Variants in RAMP1 observed in about 807,000 individuals in gnomAD.
RAMP1 encodes receptor activity modifying protein 1.
A neutral mutation model predicts 8.2 loss-of-function variants in RAMP1; 7 were observed. The observed-to-expected ratio is 0.85, with a 90% CI of 0.49 to 1.60. The LOEUF (loss-of-function observed/expected upper bound fraction) is 1.60. Among genes scored for constraint, RAMP1 ranks in the 40% most tolerant of loss-of-function variants. RAMP1 has a pLI of 0.00. For synonymous variants in RAMP1, 92 were observed against 84.7 expected (o/e 1.09, Z -0.47); for missense variants, 192 against 202.4 (o/e 0.95, Z 0.31).
chr2:237,885,041 C>A (rs935571783), intron 2 of RAMP1, among the ~76,000 whole-genome samples: 2 of 152,250 alleles, frequency 1.3e-5, no homozygotes, highest in Non-Finnish European at 2.9e-5. Flanking sequence ...GTCCACACGA[C>A]GTTGGGCAGG....
Position 237,865,811 on chromosome 2 carries a change from G to T in RAMP1, c.52+6084G>T, listed in dbSNP as rs1026114051. 6.6e-6 allele frequency among the ~76,000 whole-genome samples: 1 copy of T among 152,126 alleles called. No homozygotes were observed. The highest frequency in any genetic ancestry group is 1.5e-5 in the Non-Finnish European group (1 of 68,026). On this transcript the variant is annotated intron_variant, in intron 1 of 2. Coordinates refer to ENST00000254661, the MANE Select transcript of RAMP1 (RefSeq NM_005855.4). This position sits in a 1 kb window ranked among gnomAD's most constrained non-coding sequence, Gnocchi z 4.2. Reference sequence around the variant, plus strand: ...GGCCAGGGAGGACAGAGAAGGAAACGGGCCCCAGGCACCACTGGGCACCTT... The same window carrying T: ...GGCCAGGGAGGACAGAGAAGGAAACTGGCCCCAGGCACCACTGGGCACCTT...
intron 2 of RAMP1, among the ~76,000 whole-genome samples, chr2:237,891,767 T>G (rs945556394): frequency 6.6e-6 from 1 of 152,202 alleles, no homozygotes; most frequent in African/African-American, 2.4e-5. Context: ...TTCAGCTCCT[T>G]TATGTGTTGC....
intron 2 of RAMP1, among the ~76,000 whole-genome samples, chr2:237,890,219 T>C (rs984345643): frequency 1.3e-5 from 2 of 152,026 alleles, no homozygotes; most frequent in African/African-American, 4.8e-5. Context: ...TTTTTTTTTT[T>C]GAGACAGAGT....
At chr2:237,889,353 TTAAC>T (rs1223624039) in intron 2 of RAMP1, among the ~76,000 whole-genome samples, 4 of 152,248 alleles carry the variant, frequency 2.6e-5, no homozygotes, top group Admixed American at 6.5e-5. Context: ...ATGTATCTTC[TTAAC>T]ACAGTGGATG....
intron 2 of RAMP1, among the ~76,000 whole-genome samples, chr2:237,892,098 T>C (rs986461280): frequency 6.6e-6 from 1 of 152,204 alleles, no homozygotes; most frequent in Non-Finnish European, 1.5e-5. Flanking sequence ...CCACAGCTTA[T>C]TGCTGGATTT....
chr2:237,906,152 C>T (rs566862660), intron 2 of RAMP1, among the ~76,000 whole-genome samples: 22 of 152,318 alleles, frequency 1.4e-4, no homozygotes, highest in African/African-American at 5.3e-4. Flanking sequence ...GTTTTTCCCC[C>T]ACGATGAGAC....
At chr2:237,869,839 G>A (rs114908306) in intron 1 of RAMP1, 7,747 of 152,336 alleles carry the variant, frequency 0.051, 261 homozygotes, top group Middle Eastern at 0.11. Context: ...CCGCCACAGC[G>A]TTTCCGCAGT....
intron 1 of RAMP1, among the ~76,000 whole-genome samples, chr2:237,873,631 C>G (rs1466034045): frequency 6.6e-6 from 1 of 152,164 alleles, no homozygotes; most frequent in Non-Finnish European, 1.5e-5. Context: ...GAGTGAGGAG[C>G]GCAGCCGTCT....
intron 1 of RAMP1, among the ~76,000 whole-genome samples, chr2:237,871,219 G>C (rs1409679450): frequency 9.9e-5 from 15 of 152,230 alleles, no homozygotes; most frequent in Admixed American, 9.8e-4. Context: ...AGAGAAAGGA[G>C]AGCACCTTGG....
intron 1 of RAMP1, among the ~76,000 whole-genome samples, chr2:237,861,628 G>A (rs1404654635): frequency 1.3e-5 from 2 of 151,938 alleles, no homozygotes; most frequent in Non-Finnish European, 2.9e-5. Context: ...TGGGTGAATC[G>A]CCTGAGGTGA....
chr2:237,878,209 C>A lies in RAMP1; in HGVS notation c.191+847C>A, dbSNP rs368498019. The A allele has an allele frequency of 4.1e-6, 4 of 976,328 alleles. No individual in the cohort carries two copies. The highest frequency in any genetic ancestry group is 4.9e-6 in the Non-Finnish European group (4 of 821,672). 60.5% of individuals were successfully genotyped at this position (976,328 alleles called of 1,614,324 possible). Reference sequence around the variant, plus strand: ...ATCTGTCTGTGGGTTCACAGCGCAGCGCAAGTCCTGGTGCCCCACCGATGA... The same window carrying A: ...ATCTGTCTGTGGGTTCACAGCGCAGAGCAAGTCCTGGTGCCCCACCGATGA... On this transcript the variant is annotated intron_variant, in intron 2 of 2. Transcript: ENST00000254661. This position sits in a 1 kb window ranked among gnomAD's most constrained non-coding sequence, Gnocchi z 5.7.
chr2:237,884,659 GCCACAGCCTTC>G (rs1021464022), intron 2 of RAMP1, among the ~76,000 whole-genome samples: 7 of 152,196 alleles, frequency 4.6e-5, no homozygotes, highest in African/African-American at 1.4e-4. Context: ...AGAGGATGGG[GCCACAGCCTTC>G]CCAGCATCTG....
intron 1 of RAMP1, among the ~76,000 whole-genome samples, chr2:237,870,780 G>A (rs1347544123): frequency 6.6e-6 from 1 of 152,208 alleles, no homozygotes; most frequent in Non-Finnish European, 1.5e-5. Context: ...GGTTGGAGGT[G>A]AGGCTGGAGG....
At chr2:237,874,630 A>G (rs1474348795) in intron 1 of RAMP1, 6 of 982,244 alleles carry the variant, frequency 6.1e-6, no homozygotes, top group South Asian at 4.7e-5. Flanking sequence ...CTGACACCCA[A>G]TCTTTCCACT....
chr2:237,908,626 T>G (rs561593495), intron 2 of RAMP1, among the ~76,000 whole-genome samples: 2 of 152,178 alleles, frequency 1.3e-5, no homozygotes, highest in Admixed American at 6.5e-5. Flanking sequence ...TTAGTAGAGA[T>G]AGGGTTTCAC....
At chr2:237,888,098 G>T (rs1197563885) in intron 2 of RAMP1, among the ~76,000 whole-genome samples, 2 of 152,060 alleles carry the variant, frequency 1.3e-5, no homozygotes, top group African/African-American at 4.8e-5. Context: ...GTGTCGCCCA[G>T]GCTGGAGTGC....
intron 2 of RAMP1, among the ~76,000 whole-genome samples, chr2:237,885,502 C>T (rs774034630): frequency 2.6e-5 from 4 of 152,260 alleles, no homozygotes; most frequent in African/African-American, 9.6e-5. Context: ...CACTGGGACC[C>T]CTCTGTGCTC....
intron 2 of RAMP1, among the ~76,000 whole-genome samples, chr2:237,887,224 C>G (rs1389678389): frequency 6.6e-6 from 1 of 152,156 alleles, no homozygotes; most frequent in Non-Finnish European, 1.5e-5. Context: ...ACCTTCACTC[C>G]AGCCCCCAGG....
chr2:237,889,019 C>G (rs184922004), intron 2 of RAMP1, among the ~76,000 whole-genome samples: 4 of 152,276 alleles, frequency 2.6e-5, no homozygotes, highest in African/African-American at 9.6e-5. Flanking sequence ...GTGATCCATC[C>G]GCCTCGGCCT....
Sources: gnomAD v4.1 joint callset for allele counts (sites outside exome capture counted in the v4.1 genomes callset) on GRCh38, gnomAD v4.1.1 for gene constraint, Gnocchi (gnomAD v3.1) non-coding constraint, MANE v1.5 for transcripts, NCBI Gene and HGNC (gene_info 2026-07-23, HGNC 2026-07-21) for gene names.